Variants in PDE1A observed in about 807,000 individuals in gnomAD.
PDE1A encodes the protein dual specificity calcium/calmodulin-dependent 3',5'-cyclic nucleotide phosphodiesterase 1A.
PDE1A carries 35 observed loss-of-function variants against 61.7 expected under a neutral mutation model. The ratio of observed to expected loss-of-function variants is 0.57; its 90% CI spans 0.43 to 0.75. The LOEUF is 0.75. Among genes scored for constraint, PDE1A ranks in the 30% least tolerant of loss-of-function variants. The pLI, the probability that PDE1A is intolerant of heterozygous loss-of-function variation, is 0.00. For synonymous variants in PDE1A, 232 were observed against 213.2 expected, an observed-to-expected ratio of 1.09 and a Z score of -0.77; for missense variants, 597 against 630.6, an observed-to-expected ratio of 0.95 and a Z score of 0.57.
At chr2:182,561,396 T>A in the PDE1A span, among the ~76,000 whole-genome samples, 1 of 152,082 alleles carries the variant, frequency 6.6e-6, no homozygotes, top group Non-Finnish European at 1.5e-5. Context: ...GAGGGCTCTG[T>A]TCTGTTCCAT....
intron 1 of PDE1A, among the ~76,000 whole-genome samples, chr2:182,392,489 C>G (rs1007266111): frequency 3.9e-5 from 6 of 152,194 alleles, no homozygotes; most frequent in African/African-American, 1.2e-4. Flanking sequence ...GCCCCTGACT[C>G]CTCCCAAATC....
At chr2:182,340,995 T>C (rs1351792312) in intron 1 of PDE1A, among the ~76,000 whole-genome samples, 1 of 152,210 alleles carries the variant, frequency 6.6e-6, no homozygotes, top group Non-Finnish European at 1.5e-5. Context: ...TCCTAGAAGC[T>C]TCGAAAGTGT....
the PDE1A span, among the ~76,000 whole-genome samples, chr2:182,551,839 G>T: frequency 2.0e-5 from 3 of 152,194 alleles, no homozygotes; most frequent in Non-Finnish European, 4.4e-5. Context: ...AATCAAGGTA[G>T]ATAGAAGGCT....
chr2:182,661,606 G>A, the PDE1A span, among the ~76,000 whole-genome samples: 1 of 151,990 alleles, frequency 6.6e-6, no homozygotes, highest in Admixed American at 6.6e-5. Context: ...AATATGGAAC[G>A]GCTGGAAACG....
chr2:182,319,501 AT>A (rs1334119342), intron 1 of PDE1A, among the ~76,000 whole-genome samples: 1 of 152,118 alleles, frequency 6.6e-6, no homozygotes, highest in Non-Finnish European at 1.5e-5. Context: ...TTACTCCTAT[AT>A]TTCTAAATGG....
the PDE1A span, among the ~76,000 whole-genome samples, chr2:182,577,449 C>T: frequency 1.3e-5 from 2 of 152,154 alleles, no homozygotes; most frequent in African/African-American, 4.8e-5. Context: ...CTCGGACAGC[C>T]AGATGTCTTA....
the PDE1A span, among the ~76,000 whole-genome samples, chr2:182,539,591 A>T: frequency 3.3e-5 from 5 of 152,206 alleles, no homozygotes; most frequent in African/African-American, 7.2e-5. Context: ...AGCTAGAAAA[A>T]GCTATAATTT....
the PDE1A span, among the ~76,000 whole-genome samples, chr2:182,570,611 T>G: frequency 6.6e-6 from 1 of 152,182 alleles, no homozygotes. Flanking sequence ...AAGAAAGGCC[T>G]GGCATCAGAC....
the PDE1A span, among the ~76,000 whole-genome samples, chr2:182,695,301 C>T: frequency 1.3e-5 from 2 of 151,968 alleles, no homozygotes; most frequent in Non-Finnish European, 2.9e-5. Flanking sequence ...CACAATGTAC[C>T]AAACCAGAAA....
chr2:182,533,813 A>T, the PDE1A span, among the ~76,000 whole-genome samples: 2 of 152,108 alleles, frequency 1.3e-5, no homozygotes, highest in Non-Finnish European at 2.9e-5. Flanking sequence ...TTTGAGCTCC[A>T]TGGATATGGA....
chr2:182,504,235 T>A (rs1689263025), intron 2 of PDE1A, among the ~76,000 whole-genome samples: 1 of 152,232 alleles, frequency 6.6e-6, no homozygotes, highest in Admixed American at 6.5e-5. Flanking sequence ...GCTGAATTTC[T>A]CTTTCTAAGG....
At chr2:182,614,455 C>G in the PDE1A span, among the ~76,000 whole-genome samples, 1 of 151,168 alleles carries the variant, frequency 6.6e-6, no homozygotes, top group Admixed American at 6.6e-5. Context: ...AGTGACTTAG[C>G]TTTTCAGTTT....
intron 13 of PDE1A, among the ~76,000 whole-genome samples, chr2:182,169,942 TCC>T (rs745642003): frequency 1.7e-4 from 14 of 83,666 alleles, no homozygotes; most frequent in South Asian, 4.9e-4. Flanking sequence ...ACACACACTC[TCC>T]CTCTCTCTCT....
chr2:182,679,005 C>CTTTTTTTTT, the PDE1A span, among the ~76,000 whole-genome samples: 2 of 127,658 alleles, frequency 1.6e-5, no homozygotes, highest in Non-Finnish European at 3.2e-5. Context: ...TTTGGTTTCT[C>CTTTTTTTTT]TTTTTTTTTT....
intron 1 of PDE1A, among the ~76,000 whole-genome samples, chr2:182,351,129 C>A (rs996509815): frequency 1.3e-5 from 2 of 152,154 alleles, no homozygotes; most frequent in African/African-American, 4.8e-5. Context: ...TATAAGCAGA[C>A]CCTGTCTTCT....
At chr2:182,509,357 CATG>C (rs1689638804) in intron 2 of PDE1A, among the ~76,000 whole-genome samples, 1 of 152,188 alleles carries the variant, frequency 6.6e-6, no homozygotes, top group South Asian at 2.1e-4. Context: ...CCATACGCCA[CATG>C]ATAACTCCAT....
chr2:182,346,750 C>CA (rs1331212936), intron 1 of PDE1A, among the ~76,000 whole-genome samples: 1 of 152,132 alleles, frequency 6.6e-6, no homozygotes, highest in African/African-American at 2.4e-5. Context: ...CATATCTGTA[C>CA]AAAAATGATC....
At chr2:182,305,013 A>G (rs2125927014) in intron 1 of PDE1A, among the ~76,000 whole-genome samples, 1 of 152,280 alleles carries the variant, frequency 6.6e-6, no homozygotes, top group African/African-American at 2.4e-5. Flanking sequence ...AAATAACTCT[A>G]AGGAACATGC....
At chr2:182,409,346 A>G (rs1702481266) in intron 1 of PDE1A, among the ~76,000 whole-genome samples, 1 of 152,208 alleles carries the variant, frequency 6.6e-6, no homozygotes, top group African/African-American at 2.4e-5. Flanking sequence ...TTAGATAACC[A>G]ATTAAATAAG....
Sources: gnomAD v4.1 joint callset for allele counts (sites outside exome capture counted in the v4.1 genomes callset) on GRCh38, gnomAD v4.1.1 for gene constraint, MANE v1.5 for transcripts, NCBI Gene and HGNC (gene_info 2026-07-23, HGNC 2026-07-21) for gene names.